DSCAM: variants seen among roughly 807,000 people sequenced by gnomAD.
DSCAM encodes cell adhesion molecule DSCAM.
A neutral mutation model predicts 217.7 loss-of-function variants in DSCAM; 47 were observed. The ratio of observed to expected loss-of-function variants is 0.22; its 90% CI spans 0.17 to 0.28. DSCAM has a LOEUF of 0.28. DSCAM is among the 10% of genes least tolerant of loss of function. The probability of loss-of-function intolerance (pLI) is 1.00; values close to 1 mark genes in which losing one functional copy is unlikely to be tolerated. For missense variants in DSCAM, 2,080 were observed against 2,618.3 expected, an observed-to-expected ratio of 0.79 and a Z score of 4.49; for synonymous variants, 1,056 against 1,015.3, an observed-to-expected ratio of 1.04 and a Z score of -0.76.
chr21:40,387,656 C>T (rs746343426), intron 3 of DSCAM, among the ~76,000 whole-genome samples: 7 of 152,250 alleles, frequency 4.6e-5, no homozygotes, highest in East Asian at 3.9e-4. Context: ...CAGTACCAAA[C>T]CTCTAACACA....
chr21:40,400,715 C>T (rs1201246137), intron 3 of DSCAM, among the ~76,000 whole-genome samples: 1 of 152,146 alleles, frequency 6.6e-6, no homozygotes, highest in Non-Finnish European at 1.5e-5. Flanking sequence ...CTGTGCCTGG[C>T]CTTCTGGGGT....
At chr21:40,551,410 T>C (rs1022686768) in intron 3 of DSCAM, among the ~76,000 whole-genome samples, 1 of 152,308 alleles carries the variant, frequency 6.6e-6, no homozygotes, top group East Asian at 1.9e-4. Context: ...TGGATTAAGA[T>C]AAGGGGTTGT....
At chr21:40,532,260 T>C (rs529950596) in intron 3 of DSCAM, among the ~76,000 whole-genome samples, 1 of 146,690 alleles carries the variant, frequency 6.8e-6, no homozygotes, top group Non-Finnish European at 1.5e-5. Flanking sequence ...GAATCTGAAA[T>C]ACTAATAAAT....
At chr21:40,725,852 A>C (rs964640819) in intron 1 of DSCAM, among the ~76,000 whole-genome samples, 4 of 152,188 alleles carry the variant, frequency 2.6e-5, no homozygotes, top group Non-Finnish European at 5.9e-5. Context: ...TCCATACTCA[A>C]AGTATCAAAC....
At chr21:40,131,097 T>A (rs897708816) in intron 19 of DSCAM, among the ~76,000 whole-genome samples, 2 of 152,238 alleles carry the variant, frequency 1.3e-5, no homozygotes, top group African/African-American at 4.8e-5. Context: ...GAAATCTATC[T>A]GTATTTTTAC....
intron 11 of DSCAM, among the ~76,000 whole-genome samples, chr21:40,257,132 T>C (rs890518628): frequency 1.3e-5 from 2 of 152,174 alleles, no homozygotes; most frequent in East Asian, 1.9e-4. Flanking sequence ...AAAGATACAA[T>C]TGTTTCTTGG....
At chr21:40,204,134 G>T (rs2091099056) in intron 11 of DSCAM, among the ~76,000 whole-genome samples, 1 of 152,192 alleles carries the variant, frequency 6.6e-6, no homozygotes, top group South Asian at 2.1e-4. Flanking sequence ...CAAGAATAGG[G>T]TTCCCAGTGG....
At chr21:40,816,333 G>T (rs2091881661) in intron 1 of DSCAM, among the ~76,000 whole-genome samples, 1 of 152,078 alleles carries the variant, frequency 6.6e-6, no homozygotes. Flanking sequence ...AAGAGGGGGT[G>T]ACCTTGGGAG....
chr21:40,740,743 G>T (rs962666171), intron 1 of DSCAM, among the ~76,000 whole-genome samples: 1 of 152,194 alleles, frequency 6.6e-6, no homozygotes, highest in Non-Finnish European at 1.5e-5. Context: ...GACTCAGAAG[G>T]ACAGGGAGGA....
chr21:40,627,915 T>C (rs1681173262), intron 3 of DSCAM, among the ~76,000 whole-genome samples: 1 of 152,222 alleles, frequency 6.6e-6, no homozygotes, highest in South Asian at 2.1e-4. Flanking sequence ...GCTGTGTTTT[T>C]GTCTTCTCTT....
At chr21:40,109,406 C>A (rs1176251626) in intron 20 of DSCAM, among the ~76,000 whole-genome samples, 3 of 152,218 alleles carry the variant, frequency 2.0e-5, no homozygotes, top group Non-Finnish European at 2.9e-5. Flanking sequence ...CTCAACATCA[C>A]TGATCATTAG....
chr21:40,348,823 G>C (rs960424697), intron 5 of DSCAM, among the ~76,000 whole-genome samples: 1 of 152,068 alleles, frequency 6.6e-6, no homozygotes, highest in African/African-American at 2.4e-5. Flanking sequence ...GTCTCTGTGA[G>C]GATGTTGATA....
chr21:40,181,108 C>A (rs75552278), intron 14 of DSCAM, among the ~76,000 whole-genome samples: 2,374 of 152,268 alleles, frequency 0.016, 48 homozygotes, highest in African/African-American at 0.036. Context: ...TTCCCAGACT[C>A]TCCCCAGTCA....
At chr21:40,622,219 C>T (rs1442567180) in intron 3 of DSCAM, among the ~76,000 whole-genome samples, 1 of 152,082 alleles carries the variant, frequency 6.6e-6, no homozygotes, top group Non-Finnish European at 1.5e-5. Context: ...CTGAAGTCAA[C>T]GTACTTTCCT....
chr21:40,485,333 C>T (rs1259692502), intron 3 of DSCAM, among the ~76,000 whole-genome samples: 1 of 151,196 alleles, frequency 6.6e-6, no homozygotes, highest in East Asian at 1.9e-4. Context: ...AGCTCCGCCT[C>T]CCAGGTTCAC....
At chr21:40,469,646 T>C (rs2075872234) in intron 3 of DSCAM, among the ~76,000 whole-genome samples, 1 of 152,112 alleles carries the variant, frequency 6.6e-6, no homozygotes, top group South Asian at 2.1e-4. Context: ...ACTGGGAGGA[T>C]GGGAATATGG....
intron 32 of DSCAM, among the ~76,000 whole-genome samples, chr21:40,033,745 G>C (rs898376005): frequency 3.3e-5 from 5 of 151,610 alleles, no homozygotes; most frequent in Non-Finnish European, 5.9e-5. Context: ...CAAACAAAAA[G>C]ACAGCAGTAA....
intron 3 of DSCAM, among the ~76,000 whole-genome samples, chr21:40,519,729 AT>A: frequency 6.6e-6 from 1 of 152,310 alleles, no homozygotes; most frequent in East Asian, 1.9e-4. Context: ...TAACATAAAA[AT>A]AGAAATCATT....
intron 8 of DSCAM, among the ~76,000 whole-genome samples, chr21:40,314,645 A>ATAATTACATTTC (rs1464986974): frequency 6.6e-6 from 1 of 152,214 alleles, no homozygotes; most frequent in African/African-American, 2.4e-5. Flanking sequence ...ATTAAAGAAA[A>ATAATTACATTTC]TAATTACATT....
Sources: gnomAD v4.1 joint callset for allele counts (sites outside exome capture counted in the v4.1 genomes callset) on GRCh38, gnomAD v4.1.1 for gene constraint, MANE v1.5 for transcripts, NCBI Gene and HGNC (gene_info 2026-07-23, HGNC 2026-07-21) for gene names.